PDE1B: variants seen among roughly 807,000 people sequenced by gnomAD.
PDE1B encodes the protein phosphodiesterase 1B.
PDE1B carries 13 observed loss-of-function variants against 66.7 expected under a neutral mutation model. The observed-to-expected ratio is 0.19, with a 90% CI of 0.13 to 0.31. The LOEUF (loss-of-function observed/expected upper bound fraction) is 0.31, where lower values mean the gene tolerates loss of function less well. Ranked by LOEUF, PDE1B falls within the 10% of genes least tolerant of loss-of-function variation. The pLI is 1.00. For missense variants in PDE1B, 485 were observed against 682.3 expected, an observed-to-expected ratio of 0.71 and a Z score of 3.22; for synonymous variants, 230 against 253.9, an observed-to-expected ratio of 0.91 and a Z score of 0.90.
At position 54,549,749 on chromosome 12, in the gene PDE1B, C is replaced by T; in HGVS notation, c.-37C>T. On this transcript the variant is annotated 5_prime_UTR_variant, in exon 1 of 16. Transcript: ENST00000243052. The stretch of plus-strand genomic sequence containing the variant: ...TTGGGCCGAGCCTAGAGACACCGGC[C>T]TGGCTGGTCCACGCCAGCCGCAGGT... 5.7e-6 allele frequency: 4 copies of T among 706,568 alleles called. No individual in the cohort carries two copies. Among genetic ancestry groups the T allele is most frequent in the Non-Finnish European group, 9.7e-6 (4 of 412,316 alleles). The allele number at this position is 706,568 out of a possible 1,614,324, so 43.8% of individuals were successfully genotyped here.
At chr12:54,566,276 T>C (rs1023350113) in intron 2 of PDE1B, among the ~76,000 whole-genome samples, 1 of 152,198 alleles carries the variant, frequency 6.6e-6, no homozygotes, top group Non-Finnish European at 1.5e-5. Context: ...AGGGGATGGG[T>C]ACAGTAACTC....
intron 15 of PDE1B, 35 bp downstream of exon 15, chr12:54,577,380 G>A (rs773066875): frequency 1.2e-6 from 2 of 1,610,340 alleles, no homozygotes; most frequent in South Asian, 2.2e-5. Flanking sequence ...TAGGAGAGCT[G>A]GTGTCTATCA....
chr12:54,569,188 A>G lies in PDE1B; in HGVS notation c.232A>G (p.Ile78Val). The change falls in exon 4 of 16, where the codon ATC (isoleucine) becomes GTC (valine). Residue 78 changes from isoleucine (I) to valine (V), a missense_variant. Transcript: ENST00000243052. This position sits in a 1 kb window ranked among gnomAD's most constrained non-coding sequence, Gnocchi z 4.4. ...ACTCCCCTTCTGGGGTCTCAGGCAA[A>G]TCTTGGACACGGAGGACGAGCTGCA... ...EAVYIDETRQILDTEDELQEL... is the reference protein window; with the variant it reads ...EAVYIDETRQVLDTEDELQEL... The G allele has an allele frequency of 6.2e-7, 1 of 1,603,594 alleles. No individual in the cohort carries two copies. Among genetic ancestry groups the G allele is most frequent in the Non-Finnish European group, 8.5e-7 (1 of 1,173,204 alleles).
intron 2 of PDE1B, chr12:54,554,247 C>T (rs1957315608): frequency 6.6e-6 from 1 of 152,140 alleles, no homozygotes; most frequent in Non-Finnish European, 1.5e-5. Context: ...ATGGTTCTTA[C>T]CAGTTTTGAA....
chr12:54,573,584 G>T lies in PDE1B; in HGVS notation c.963-24G>T, dbSNP rs994126268. The T allele has an allele frequency of 4.3e-6, 7 of 1,611,998 alleles. No homozygotes were observed. The African/African-American group carries it at 9.3e-5, about 22-fold the overall frequency. ...CCCAGCAGCGCTGAGGGGACTGATT[G>T]CTTCTCTTTTTATGTCCGCTCAGAG... On this transcript the variant is annotated intron_variant, in intron 9 of 15. Coordinates refer to ENST00000243052, the MANE Select transcript of PDE1B (RefSeq NM_000924.4). The surrounding 1 kb of genome is among the most constrained non-coding windows in gnomAD (Gnocchi z 5.2).
At position 54,573,503 on chromosome 12, in the gene PDE1B, C is replaced by T; in HGVS notation, c.962+23C>T. ...TGTGTGAGCAGAAGCCAGTACTTGGCATCCCTAAGAGACTCCCTTACCACA... is the reference window on the plus strand; with the variant it reads ...TGTGTGAGCAGAAGCCAGTACTTGGTATCCCTAAGAGACTCCCTTACCACA... On this transcript the variant is annotated intron_variant, in intron 9 of 15. Coordinates refer to ENST00000243052, the MANE Select transcript of PDE1B (RefSeq NM_000924.4). The surrounding 1 kb of genome is among the most constrained non-coding windows in gnomAD (Gnocchi z 5.2). 6.2e-7 allele frequency: 1 copy of T among 1,614,000 alleles called. No individual in the cohort carries two copies. Among genetic ancestry groups the T allele is most frequent in the East Asian group, 2.2e-5 (1 of 44,882 alleles).
Position 54,572,761 on chromosome 12 carries a change from T to G in PDE1B, c.735+20T>G. Reference sequence around the variant, plus strand: ...ATGGTGGTAGGTGCCCTGGAGATGATTCTTCTGTGATTCAGGGCCTATGGC... The same window carrying G: ...ATGGTGGTAGGTGCCCTGGAGATGAGTCTTCTGTGATTCAGGGCCTATGGC... On this transcript the variant is annotated intron_variant, in intron 7 of 15. Transcript: ENST00000243052. 2 of 1,611,758 alleles carry G rather than the reference T, an allele frequency of 1.2e-6. No individual in the cohort carries two copies. The highest frequency in any genetic ancestry group is 1.7e-6 in the Non-Finnish European group (2 of 1,177,986).
chr12:54,570,100 T>G, intron 5 of PDE1B, 141 bp from the exon 6 acceptor site: 1 of 651,444 alleles, frequency 1.5e-6, no homozygotes, highest in Non-Finnish European at 2.8e-6. Context: ...CTGAGAGATA[T>G]ATGGGAAGAA....
chr12:54,567,516 T>A (rs951232028), intron 3 of PDE1B, among the ~76,000 whole-genome samples: 4 of 144,044 alleles, frequency 2.8e-5, no homozygotes, highest in East Asian at 2.0e-4. Flanking sequence ...AATAAATAAA[T>A]AAATAAATAA....
In PDE1B at chr12:54,564,053, G is replaced by A. The variant is rs374849532; in HGVS notation, c.114-2921G>A. Among the ~76,000 whole-genome samples the A allele has an allele frequency of 5.8e-4, 89 of 152,218 alleles. 3 individuals are homozygous for A. The South Asian group carries it at 0.013, about 22-fold the overall frequency. ...AAACATGATCCAGACACCAGAAGGA[G>A]GTGGGGAGGGAGGGAAAGGAAGATT... On this transcript the variant is annotated intron_variant, in intron 2 of 15. Coordinates refer to ENST00000243052, the MANE Select transcript of PDE1B (RefSeq NM_000924.4).
Position 54,573,771 on chromosome 12 carries a change from G to T in PDE1B, c.1064+62G>T, listed in dbSNP as rs1323868908. ...AGGGAGGGGTGTGTGAACTGGGGGGGTATACACAAGGGTAGTTGGTGTGCC... is the reference window on the plus strand; with the variant it reads ...AGGGAGGGGTGTGTGAACTGGGGGGTTATACACAAGGGTAGTTGGTGTGCC... On this transcript the variant is annotated intron_variant, in intron 10 of 15. Coordinates refer to ENST00000243052, the MANE Select transcript of PDE1B (RefSeq NM_000924.4). This position sits in a 1 kb window ranked among gnomAD's most constrained non-coding sequence, Gnocchi z 5.2. 1.7e-6 allele frequency: 2 copies of T among 1,202,588 alleles called. No homozygotes were observed. The highest frequency in any genetic ancestry group is 1.2e-5 in the South Asian group (1 of 82,816). 74.5% of individuals were successfully genotyped at this position (1,202,588 alleles called of 1,614,324 possible).
chr12:54,559,369 TTTTTAAACTACA>T (rs1423447584), intron 2 of PDE1B, among the ~76,000 whole-genome samples: 1 of 151,980 alleles, frequency 6.6e-6, no homozygotes, highest in African/African-American at 2.4e-5. Flanking sequence ...TTCCTTTCTA[TTTTTAAACTACA>T]TTTAAGGGCT....
chr12:54,566,146 A>G (rs1957511363), intron 2 of PDE1B, among the ~76,000 whole-genome samples: 1 of 152,250 alleles, frequency 6.6e-6, no homozygotes, highest in African/African-American at 2.4e-5. Context: ...AACAAACCCC[A>G]GAATTCATAA....
intron 2 of PDE1B, among the ~76,000 whole-genome samples, chr12:54,559,265 C>T (rs993728119): frequency 6.7e-6 from 1 of 149,476 alleles, no homozygotes; most frequent in Admixed American, 6.7e-5. Context: ...CCCACCCCCA[C>T]CCCTTTTCTC....
At position 54,569,759 on chromosome 12, in the gene PDE1B, G is replaced by T; in HGVS notation, c.477+147G>T. On this transcript the variant is annotated intron_variant, in intron 5 of 15. Transcript: ENST00000243052. The surrounding 1 kb of genome is among the most constrained non-coding windows in gnomAD (Gnocchi z 4.4). ...CTCTTGTCACTCAGGCTGGAGTGCA[G>T]TGGCGTGATCTCGTCTCACTGCAAC... The T allele has an allele frequency of 1.6e-6, 1 of 622,420 alleles. No individual in the cohort carries two copies. The allele number at this position is 622,420 out of a possible 1,614,324, so 38.6% of individuals were successfully genotyped here.
In PDE1B at chr12:54,569,682, T is replaced by G; in HGVS notation, c.477+70T>G. On this transcript the variant is annotated intron_variant, in intron 5 of 15. Transcript: ENST00000243052. This position sits in a 1 kb window ranked among gnomAD's most constrained non-coding sequence, Gnocchi z 4.4. Reference sequence around the variant, plus strand: ...AATAGCCACTGGGACTTCTAGACCCTGTTTATGGCATTATTTTTGCCTTCC... The same window carrying G: ...AATAGCCACTGGGACTTCTAGACCCGGTTTATGGCATTATTTTTGCCTTCC... The G allele has an allele frequency of 9.9e-7, 1 of 1,013,442 alleles. No individual in the cohort carries two copies. The highest frequency in any genetic ancestry group is 1.5e-6 in the Non-Finnish European group (1 of 651,940). 62.8% of individuals were successfully genotyped at this position (1,013,442 alleles called of 1,614,324 possible). A position where few individuals can be genotyped will look rare whatever the true frequency, so the allele number is the denominator to read the frequency against.
At chr12:54,558,182 C>T (rs965389569) in intron 2 of PDE1B, among the ~76,000 whole-genome samples, 2 of 152,106 alleles carry the variant, frequency 1.3e-5, no homozygotes, top group Non-Finnish European at 2.9e-5. Context: ...CAGTGTGTTC[C>T]CAGCTTCTCG....
At position 54,573,861 on chromosome 12, in the gene PDE1B, G is replaced by GAGAGAA; in HGVS notation, c.1064+157_1064+158insAAGAGA. The stretch of plus-strand genomic sequence containing the variant: ...TATCAGACTGCATCTCTATGTGAGA[G>GAGAGAA]AGAGAGAGAGTGTGTGTGTGTGTGT... On this transcript the variant is annotated intron_variant, in intron 10 of 15. Transcript: ENST00000243052. The surrounding 1 kb of genome is among the most constrained non-coding windows in gnomAD (Gnocchi z 5.2). 1 of 527,736 alleles carries GAGAGAA rather than the reference G, an allele frequency of 1.9e-6. No homozygotes were observed. Among genetic ancestry groups the GAGAGAA allele is most frequent in the Non-Finnish European group, 3.4e-6 (1 of 295,214 alleles). The allele number at this position is 527,736 out of a possible 1,614,324, so 32.7% of individuals were successfully genotyped here.
chr12:54,575,460 AC>A lies in PDE1B; in HGVS notation c.1186-85del. On this transcript the variant is annotated intron_variant, in intron 11 of 15. Transcript: ENST00000243052. This position sits in a 1 kb window ranked among gnomAD's most constrained non-coding sequence, Gnocchi z 4.0. Reference sequence around the variant, plus strand: ...AACAGTGCAGAAATTTCACACAACAACCCCCCACCCCCACCACTTGCCACCT... The same window carrying A: ...AACAGTGCAGAAATTTCACACAACAACCCCCACCCCCACCACTTGCCACCT... The A allele has an allele frequency of 6.6e-6, 6 of 902,342 alleles. No individual in the cohort carries two copies. The highest frequency in any genetic ancestry group is 1.8e-5 in the Admixed American group (1 of 57,066). The allele number at this position is 902,342 out of a possible 1,614,324, so 55.9% of individuals were successfully genotyped here.
Sources: gnomAD v4.1 joint callset for allele counts (sites outside exome capture counted in the v4.1 genomes callset) on GRCh38, gnomAD v4.1.1 for gene constraint, Gnocchi (gnomAD v3.1) non-coding constraint, MANE v1.5 for transcripts, NCBI Gene and HGNC (gene_info 2026-07-23, HGNC 2026-07-21) for gene names.